THAP8: variants seen among roughly 807,000 people sequenced by gnomAD.
THAP8 encodes the protein THAP domain-containing protein 8.
In THAP8, 24 loss-of-function variants were observed where a neutral mutation model predicts 25.0. The ratio of observed to expected loss-of-function variants is 0.96; its 90% CI spans 0.69 to 1.35. The LOEUF (loss-of-function observed/expected upper bound fraction) is 1.35, where lower values mean the gene tolerates loss of function less well. Ranked by LOEUF, THAP8 falls within the 40% of genes most tolerant of loss-of-function variation. The pLI is 0.00. For missense variants in THAP8, 399 were observed against 368.8 expected, an observed-to-expected ratio of 1.08 and a Z score of -0.67; for synonymous variants, 169 against 157.6, an observed-to-expected ratio of 1.07 and a Z score of -0.54.
chr19:36,041,779 T>C (rs1419518144), intron 1 of THAP8, among the ~76,000 whole-genome samples: 1 of 152,094 alleles, frequency 6.6e-6, no homozygotes, highest in Non-Finnish European at 1.5e-5. Context: ...ACAGCTACTA[T>C]TGAACAACAA....
chr19:36,050,367 T>C (rs1347236909), intron 1 of THAP8, among the ~76,000 whole-genome samples: 1 of 152,104 alleles, frequency 6.6e-6, no homozygotes, highest in Admixed American at 6.6e-5. Context: ...TGGTCTCAAA[T>C]TGCTGGGCTC....
rs1006760398 is a variant in THAP8 at position 36,038,091 on chromosome 19, C to T, written c.672+1232G>A. ...TCCCAAGTAGCTGGGATTACAGGTG[C>T]GCCACCATGCCCAACTAATTTTTGT... is the stretch of plus-strand genomic sequence containing the variant. On this transcript the variant is annotated intron_variant, in intron 3 of 3. Transcript: ENST00000292894. 3.3e-5 allele frequency among the ~76,000 whole-genome samples: 5 copies of T among 151,954 alleles called. 1 individual carries two copies. In the South Asian group the frequency reaches 1.0e-3, roughly 32 times the overall value.
At chr19:36,039,767 T>A in intron 2 of THAP8, 49 bp from the exon 3 acceptor site, 1 of 1,486,542 alleles carries the variant, frequency 6.7e-7, no homozygotes, top group Non-Finnish European at 9.0e-7. Flanking sequence ...AGACTTCGAC[T>A]CAGGAGGAAA....
At chr19:36,037,343 T>TACACACACACACACACACAC (rs58349186) in intron 3 of THAP8, among the ~76,000 whole-genome samples, 8 of 114,760 alleles carry the variant, frequency 7.0e-5, no homozygotes, top group African/African-American at 2.6e-4. Flanking sequence ...ATTCCTCCCC[T>TACACACACACACACACACAC]ACACACACAC....
chr19:36,038,322 T>C (rs1450235472), intron 3 of THAP8, among the ~76,000 whole-genome samples: 1 of 151,998 alleles, frequency 6.6e-6, no homozygotes, highest in Non-Finnish European at 1.5e-5. Context: ...AGTGCAGTGG[T>C]GCGATCTTGG....
Position 36,035,237 on chromosome 19 carries a change from G to T in THAP8, c.*203C>A. On this transcript the variant is annotated 3_prime_UTR_variant, in exon 4 of 4. Coordinates refer to ENST00000292894, the MANE Select transcript of THAP8 (RefSeq NM_152658.3). Reference sequence around the variant, plus strand: ...GGTGGCAGAAGCCTGGTACCCAGGGGATTGGGGGCTGATGAGAGACTTGGG... The same window carrying T: ...GGTGGCAGAAGCCTGGTACCCAGGGTATTGGGGGCTGATGAGAGACTTGGG... 1 of 580,844 alleles carries T rather than the reference G, an allele frequency of 1.7e-6. No homozygotes were observed. The allele number at this position is 580,844 out of a possible 1,614,324, so 36.0% of individuals were successfully genotyped here.
At chr19:36,048,848 AAAAAAAAACAAAAAAAC>A (rs1969965149) in intron 1 of THAP8, among the ~76,000 whole-genome samples, 2 of 128,224 alleles carry the variant, frequency 1.6e-5, no homozygotes, top group South Asian at 5.2e-4. Flanking sequence ...CTTTAAAAAA[AAAAAAAAACAAAAAAAC>A]AAAAAACACC....
At chr19:36,052,821 T>C (rs1286015066) in intron 1 of THAP8, among the ~76,000 whole-genome samples, 2 of 152,234 alleles carry the variant, frequency 1.3e-5, no homozygotes, top group Non-Finnish European at 2.9e-5. Context: ...ACAGCAAAGT[T>C]TGTGATCATC....
chr19:36,051,994 T>C (rs1330073308), intron 1 of THAP8, among the ~76,000 whole-genome samples: 3 of 152,084 alleles, frequency 2.0e-5, no homozygotes, highest in Non-Finnish European at 4.4e-5. Context: ...GAACTGTGCA[T>C]GTGAGAGATC....
chr19:36,049,483 T>C lies in THAP8; in HGVS notation c.83+4652A>G, dbSNP rs923309438. 1.1e-4 allele frequency among the ~76,000 whole-genome samples: 17 copies of C among 152,188 alleles called. No individual in the cohort carries two copies. In the East Asian group the frequency reaches 1.5e-3, roughly 14 times the overall value. ...GTCTCATCTTATCTCTCACCTGGCA[T>C]CCATGCCCTCTCCTAAGCCTCTTTT... is the stretch of plus-strand genomic sequence containing the variant. On this transcript the variant is annotated intron_variant, in intron 1 of 3. Coordinates refer to ENST00000292894, the MANE Select transcript of THAP8 (RefSeq NM_152658.3).
chr19:36,043,175 AC>A (rs1969758053), intron 1 of THAP8, among the ~76,000 whole-genome samples: 1 of 151,906 alleles, frequency 6.6e-6, no homozygotes, highest in African/African-American at 2.4e-5. Context: ...TGATCCACCC[AC>A]CTCGGCCTCC....
rs2145476289 is a variant in THAP8, at chr19:36,054,167, C to T, written c.51G>A (p.Leu17=). ...AGCTCACAGGGCGGTTGTCTGCACC[C>T]AGGCGGCCCGCAGTGTTGGAGCAGT... ...APNCSNTAGR[L]GADNRPVSFY... Residue 17 remains leucine (L), a synonymous_variant, in exon 1 of 4, where the codon CTG becomes CTA. Transcript: ENST00000292894. 3.7e-6 allele frequency: 6 copies of T among 1,614,044 alleles called. No individual in the cohort carries two copies. The highest frequency in any genetic ancestry group is 3.3e-5 in the South Asian group (3 of 91,052).
intron 1 of THAP8, 46 bp downstream of exon 1, chr19:36,054,087 CCT>C: frequency 6.3e-7 from 1 of 1,587,632 alleles, no homozygotes; most frequent in South Asian, 1.1e-5. Context: ...GGGCCCCACC[CCT>C]CTCAGGGTCC....
rs1969401630 is a variant in THAP8 at position 36,035,510 on chromosome 19, G to A, written c.755C>T (p.Ala252Val). The A allele has an allele frequency of 1.2e-6, 2 of 1,614,178 alleles. No homozygotes were observed. The highest frequency in any genetic ancestry group is 1.7e-6 in the Non-Finnish European group (2 of 1,180,034). ...CACTGTGGCAGGTGCAGGGTCCTGG[G>A]CAAGGACCATGGCTATGTCAGGCCC... ...CGGPDIAMVL[A>V]QDPAPATVDA... is the part of the protein sequence containing the mutation. The change falls in exon 4 of 4, where the codon GCC (alanine) becomes GTC (valine). Residue 252 changes from alanine (A) to valine (V), a missense_variant. Transcript: ENST00000292894.
intron 3 of THAP8, among the ~76,000 whole-genome samples, chr19:36,036,957 A>AAAAG (rs1391916439): frequency 6.8e-6 from 1 of 146,786 alleles, no homozygotes; most frequent in African/African-American, 2.5e-5. Context: ...AAAAAAAAAA[A>AAAAG]AAATCGGATA....
At chr19:36,048,849 A>C (rs182593961) in intron 1 of THAP8, among the ~76,000 whole-genome samples, 2,449 of 129,874 alleles carry the variant, frequency 0.019, 70 homozygotes, top group Middle Eastern at 0.056. Context: ...TTTAAAAAAA[A>C]AAAAAAACAA....
intron 3 of THAP8, among the ~76,000 whole-genome samples, chr19:36,038,135 G>A (rs1382072575): frequency 6.6e-6 from 1 of 151,908 alleles, no homozygotes; most frequent in Non-Finnish European, 1.5e-5. Flanking sequence ...TAGAGACAGG[G>A]TTTCTCTATG....
intron 1 of THAP8, among the ~76,000 whole-genome samples, chr19:36,048,852 A>AC (rs1568555080): frequency 7.9e-6 from 1 of 125,974 alleles, no homozygotes; most frequent in Non-Finnish European, 1.7e-5. Flanking sequence ...AAAAAAAAAA[A>AC]AAAACAAAAA....
intron 1 of THAP8, among the ~76,000 whole-genome samples, chr19:36,041,236 T>C (rs1969682745): frequency 6.6e-6 from 1 of 150,656 alleles, no homozygotes; most frequent in South Asian, 2.1e-4. Flanking sequence ...CACCTGAGCC[T>C]GGGAGGCAGA....
Sources: gnomAD v4.1 joint callset for allele counts (sites outside exome capture counted in the v4.1 genomes callset) on GRCh38, gnomAD v4.1.1 for gene constraint, MANE v1.5 for transcripts, NCBI Gene and HGNC (gene_info 2026-07-23, HGNC 2026-07-21) for gene names.